The following PDE4D variants were observed in gnomAD, a reference collection of about 807,000 sequenced individuals.
PDE4D encodes phosphodiesterase 4D, also known as 3',5'-cyclic-AMP phosphodiesterase 4D.
In PDE4D, 24 loss-of-function variants were observed where a neutral mutation model predicts 87.4. That is an observed-to-expected ratio of 0.27 (90% CI 0.20 to 0.39). PDE4D has a LOEUF of 0.39. PDE4D is among the 10% of genes least tolerant of loss of function. The pLI is 1.00. For synonymous variants in PDE4D, 384 were observed against 383.2 expected (o/e 1.00, Z -0.02); for missense variants, 714 against 1,041.0 (o/e 0.69, Z 4.32).
At chr5:59,426,538 A>G (rs1185367538) in intron 1 of PDE4D, among the ~76,000 whole-genome samples, 2 of 152,106 alleles carry the variant, frequency 1.3e-5, no homozygotes, top group Non-Finnish European at 2.9e-5. Context: ...AGAAAGAGGG[A>G]GCACAGAGCA....
chr5:59,727,513 T>G (rs1756776623), intron 1 of PDE4D, among the ~76,000 whole-genome samples: 1 of 152,014 alleles, frequency 6.6e-6, no homozygotes, highest in Admixed American at 6.6e-5. Context: ...GAGTAAAAAT[T>G]TCTGGTCTGA....
At chr5:59,278,192 T>C (rs1433888640) in intron 1 of PDE4D, among the ~76,000 whole-genome samples, 1 of 152,156 alleles carries the variant, frequency 6.6e-6, no homozygotes, top group Non-Finnish European at 1.5e-5. Flanking sequence ...AGACCATTTC[T>C]CACATGAACA....
At chr5:59,787,216 T>C (rs1188597143) in intron 1 of PDE4D, among the ~76,000 whole-genome samples, 1 of 152,208 alleles carries the variant, frequency 6.6e-6, no homozygotes, top group Middle Eastern at 3.2e-3. Flanking sequence ...TTATGCGCCT[T>C]ATACCAAGGC....
intron 1 of PDE4D, among the ~76,000 whole-genome samples, chr5:60,402,790 C>G (rs1361246250): frequency 6.6e-6 from 1 of 152,198 alleles, no homozygotes; most frequent in African/African-American, 2.4e-5. Flanking sequence ...AGCTGTGAAA[C>G]AGTCCTAAAA....
intron 1 of PDE4D, among the ~76,000 whole-genome samples, chr5:59,381,144 T>TGG (rs1785742633): frequency 6.6e-6 from 1 of 152,214 alleles, no homozygotes. Context: ...CCCGGAATAC[T>TGG]AGTTAAAACA....
At chr5:60,029,786 G>A (rs894606660) in intron 2 of PDE4D, among the ~76,000 whole-genome samples, 19 of 152,254 alleles carry the variant, frequency 1.2e-4, no homozygotes, top group Admixed American at 2.6e-4. Flanking sequence ...GAAGGTGATT[G>A]TTGAAGTTAG....
intron 5 of PDE4D, among the ~76,000 whole-genome samples, chr5:59,147,130 T>C (rs1778785134): frequency 6.6e-6 from 1 of 152,114 alleles, no homozygotes; most frequent in Non-Finnish European, 1.5e-5. Context: ...CTCCCCACCA[T>C]CCATGGAAAA....
chr5:59,476,093 T>G (rs1803254768), intron 1 of PDE4D, among the ~76,000 whole-genome samples: 1 of 152,082 alleles, frequency 6.6e-6, no homozygotes, highest in East Asian at 1.9e-4. Context: ...ACCAACCTAT[T>G]CTCCCTTCCC....
chr5:59,250,314 AAAAAAAAAAAC>A (rs1273011899), intron 1 of PDE4D, among the ~76,000 whole-genome samples: 1 of 16,120 alleles, frequency 6.2e-5, no homozygotes, highest in Non-Finnish European at 1.1e-4. Flanking sequence ...CTGTCTCTAC[AAAAAAAAAAAC>A]AAAAAAAATT....
intron 1 of PDE4D, among the ~76,000 whole-genome samples, chr5:59,590,409 G>T (rs1825755304): frequency 6.6e-6 from 1 of 152,116 alleles, no homozygotes; most frequent in Non-Finnish European, 1.5e-5. Flanking sequence ...GCCAGTTCTG[G>T]TTGCTCATGC....
chr5:60,339,173 A>T (rs1758086585), intron 1 of PDE4D, among the ~76,000 whole-genome samples: 1 of 152,140 alleles, frequency 6.6e-6, no homozygotes, highest in South Asian at 2.1e-4. Context: ...CAACCTCAGC[A>T]TATAATTTTT....
chr5:59,868,776 C>A (rs1747407069), intron 1 of PDE4D, among the ~76,000 whole-genome samples: 1 of 152,134 alleles, frequency 6.6e-6, no homozygotes, highest in Admixed American at 6.6e-5. Context: ...GCAAAATGTT[C>A]TTTGTGTAAT....
At chr5:59,549,492 G>C (rs1817770804) in intron 1 of PDE4D, among the ~76,000 whole-genome samples, 2 of 152,218 alleles carry the variant, frequency 1.3e-5, no homozygotes, top group African/African-American at 2.4e-5. Flanking sequence ...TTTTTCAAGG[G>C]TTGAATCTCT....
chr5:60,311,625 T>C (rs1489305362), intron 1 of PDE4D, among the ~76,000 whole-genome samples: 1 of 152,084 alleles, frequency 6.6e-6, no homozygotes, highest in Non-Finnish European at 1.5e-5. Context: ...CTTAAGTACA[T>C]AGATCACTGA....
intron 2 of PDE4D, among the ~76,000 whole-genome samples, chr5:60,001,718 A>C (rs1410938523): frequency 1.3e-5 from 2 of 152,156 alleles, no homozygotes; most frequent in African/African-American, 2.4e-5. Context: ...TATGCAATAC[A>C]AAAAGATGCA....
At position 59,385,690 on chromosome 5, in the gene PDE4D, C is replaced by T. The variant is rs185842727; in HGVS notation, c.456-169722G>A. ...CTGCAGACAATGGCTATTTGATAAA[C>T]GGGAAGGAGATAGTATAGAGTCCTA... On this transcript the variant is annotated intron_variant, in intron 1 of 14. Transcript: ENST00000340635. Among the ~76,000 whole-genome samples, 819 of 152,202 alleles carry T rather than the reference C, an allele frequency of 5.4e-3. 5 individuals are homozygous for T. Among genetic ancestry groups the T allele is most frequent in the African/African-American group, 0.018 (750 of 41,524 alleles).
chr5:60,096,501 A>G (rs1442509749), intron 2 of PDE4D, among the ~76,000 whole-genome samples: 1 of 152,150 alleles, frequency 6.6e-6, no homozygotes, highest in African/African-American at 2.4e-5. Flanking sequence ...CAAAACTTCA[A>G]ATTATAAAGA....
intron 1 of PDE4D, among the ~76,000 whole-genome samples, chr5:59,858,370 A>T (rs1400351927): frequency 1.3e-5 from 2 of 151,386 alleles, no homozygotes; most frequent in Non-Finnish European, 2.9e-5. Flanking sequence ...CCAAATCCCT[A>T]CTCCTTGCAT....
intron 1 of PDE4D, among the ~76,000 whole-genome samples, chr5:59,677,418 C>G (rs1748278506): frequency 6.6e-6 from 1 of 152,218 alleles, no homozygotes; most frequent in South Asian, 2.1e-4. Flanking sequence ...TTTATTAACT[C>G]TTGTCACACT....
Sources: gnomAD v4.1 joint callset for allele counts (sites outside exome capture counted in the v4.1 genomes callset) on GRCh38, gnomAD v4.1.1 for gene constraint, MANE v1.5 for transcripts, NCBI Gene and HGNC (gene_info 2026-07-23, HGNC 2026-07-21) for gene names.